HOMER1: variants seen among roughly 807,000 people sequenced by gnomAD.
HOMER1 encodes the protein homer protein homolog 1.
A neutral mutation model predicts 48.9 loss-of-function variants in HOMER1; 3 were observed. That is an observed-to-expected ratio of 0.06 (90% CI 0.03 to 0.16). The LOEUF is 0.16. HOMER1 is among the 10% of genes least tolerant of loss of function. The pLI, the probability that HOMER1 is intolerant of heterozygous loss-of-function variation, is 1.00. For missense variants in HOMER1, 247 were observed against 411.4 expected (o/e 0.60, Z 3.46); for synonymous variants, 134 against 146.4 (o/e 0.92, Z 0.61).
intron 1 of HOMER1, among the ~76,000 whole-genome samples, chr5:79,485,297 T>A (rs1225666166): frequency 6.6e-6 from 1 of 152,178 alleles, no homozygotes; most frequent in Non-Finnish European, 1.5e-5. Context: ...AAAACAGATT[T>A]GTGGGTTTGG....
At chr5:79,489,251 C>T (rs1003183969) in intron 1 of HOMER1, among the ~76,000 whole-genome samples, 1 of 152,070 alleles carries the variant, frequency 6.6e-6, no homozygotes, top group Non-Finnish European at 1.5e-5. Context: ...CATAAAACAG[C>T]CAATTTTTAG....
intron 1 of HOMER1, among the ~76,000 whole-genome samples, chr5:79,470,283 G>A (rs1003202042): frequency 1.3e-5 from 2 of 152,122 alleles, no homozygotes; most frequent in African/African-American, 4.8e-5. Flanking sequence ...GAATGAAAAT[G>A]TACAATATCA....
intron 8 of HOMER1, among the ~76,000 whole-genome samples, chr5:79,389,270 G>T (rs773785268): frequency 6.7e-6 from 1 of 148,370 alleles, no homozygotes; most frequent in Non-Finnish European, 1.5e-5. Flanking sequence ...GAATACATGA[G>T]AAAAAAAAAA....
chr5:79,460,577 G>A (rs78481245), intron 1 of HOMER1, among the ~76,000 whole-genome samples: 4,244 of 152,248 alleles, frequency 0.028, 195 homozygotes, highest in African/African-American at 0.097. Flanking sequence ...TGTGATAAAG[G>A]ATTAAAGGTA....
chr5:79,495,560 G>A (rs1752397284), intron 1 of HOMER1, among the ~76,000 whole-genome samples: 1 of 152,132 alleles, frequency 6.6e-6, no homozygotes, highest in African/African-American at 2.4e-5. Flanking sequence ...ACCAGTGCCT[G>A]GCATGACTCA....
intron 1 of HOMER1, among the ~76,000 whole-genome samples, chr5:79,483,295 GA>G (rs963969993): frequency 1.3e-5 from 2 of 151,744 alleles, no homozygotes; most frequent in African/African-American, 4.8e-5. Context: ...AGTATAGAAA[GA>G]AAAAAAACTT....
At chr5:79,501,902 C>T (rs1215168156) in intron 1 of HOMER1, among the ~76,000 whole-genome samples, 1 of 151,904 alleles carries the variant, frequency 6.6e-6, no homozygotes, top group African/African-American at 2.4e-5. Flanking sequence ...TTTGCTAGCA[C>T]TAGAGTAACT....
intron 8 of HOMER1, among the ~76,000 whole-genome samples, chr5:79,385,535 A>G (rs548904920): frequency 3.7e-4 from 57 of 152,300 alleles, no homozygotes; most frequent in African/African-American, 1.3e-3. Flanking sequence ...AATACAAATC[A>G]AAACCAAATA....
intron 1 of HOMER1, among the ~76,000 whole-genome samples, chr5:79,469,890 C>G (rs190296602): frequency 1.2e-3 from 181 of 152,106 alleles, no homozygotes; most frequent in African/African-American, 4.2e-3. Flanking sequence ...AAATATAATC[C>G]CTGTAGTGAT....
chr5:79,397,960 A>T (rs1157700098), intron 6 of HOMER1: 1 of 169,950 alleles, frequency 5.9e-6, no homozygotes, highest in African/African-American at 2.4e-5. Flanking sequence ...ATCAGATATG[A>T]CCATCTGTCC....
intron 5 of HOMER1, among the ~76,000 whole-genome samples, chr5:79,404,567 C>T (rs1561350543): frequency 6.6e-6 from 1 of 152,310 alleles, no homozygotes; most frequent in Non-Finnish European, 1.5e-5. Flanking sequence ...GAATTTGAGA[C>T]ACATTTCATG....
intron 1 of HOMER1, among the ~76,000 whole-genome samples, chr5:79,499,278 A>G (rs1752508787): frequency 6.6e-6 from 1 of 152,204 alleles, no homozygotes; most frequent in African/African-American, 2.4e-5. Flanking sequence ...TCATGTGCCC[A>G]ATAACTACAA....
At chr5:79,402,837 T>A in intron 5 of HOMER1, among the ~76,000 whole-genome samples, 1 of 152,354 alleles carries the variant, frequency 6.6e-6, no homozygotes, top group East Asian at 1.9e-4. Context: ...TTGAAATTGT[T>A]TTTGATTTAT....
At chr5:79,509,537 T>C (rs2112386788) in intron 1 of HOMER1, among the ~76,000 whole-genome samples, 1 of 152,306 alleles carries the variant, frequency 6.6e-6, no homozygotes, top group East Asian at 1.9e-4. Context: ...TCACTGAGGC[T>C]TCAAAACTTT....
At chr5:79,419,265 A>T (rs1446552432) in intron 5 of HOMER1, among the ~76,000 whole-genome samples, 2 of 152,206 alleles carry the variant, frequency 1.3e-5, no homozygotes, top group Non-Finnish European at 2.9e-5. Flanking sequence ...ATATCTGTGG[A>T]ACTACTTCAG....
chr5:79,445,845 C>CA (rs1255421953), intron 4 of HOMER1, among the ~76,000 whole-genome samples: 12 of 152,116 alleles, frequency 7.9e-5, no homozygotes, highest in Non-Finnish European at 1.6e-4. Flanking sequence ...ACCTGGGAGG[C>CA]AGAGGTTGCA....
At chr5:79,382,720 T>C (rs756263024) in intron 8 of HOMER1, among the ~76,000 whole-genome samples, 1 of 152,118 alleles carries the variant, frequency 6.6e-6, no homozygotes, top group Non-Finnish European at 1.5e-5. Flanking sequence ...CACATGAAAG[T>C]ATAAAATATT....
intron 1 of HOMER1, among the ~76,000 whole-genome samples, chr5:79,465,164 G>A (rs1023600944): frequency 2.6e-5 from 4 of 151,906 alleles, no homozygotes; most frequent in South Asian, 2.1e-4. Context: ...GCAAGACCTC[G>A]CCTCCATAAA....
At chr5:79,454,694 T>C (rs547729215) in intron 2 of HOMER1, among the ~76,000 whole-genome samples, 374 of 152,312 alleles carry the variant, frequency 2.5e-3, no homozygotes, top group African/African-American at 8.6e-3. Context: ...CTTAGGGTCT[T>C]ATCATCTAGT....
Sources: gnomAD v4.1 joint callset for allele counts (sites outside exome capture counted in the v4.1 genomes callset) on GRCh38, gnomAD v4.1.1 for gene constraint, MANE v1.5 for transcripts, NCBI Gene and HGNC (gene_info 2026-07-23, HGNC 2026-07-21) for gene names.